The following TBC1D19 variants were observed in gnomAD, a reference collection of about 807,000 sequenced individuals.
TBC1D19 encodes the protein TBC1 domain family, member 19.
A neutral mutation model predicts 89.0 loss-of-function variants in TBC1D19; 60 were observed. The ratio of observed to expected loss-of-function variants is 0.67; its 90% CI spans 0.55 to 0.84. The LOEUF (loss-of-function observed/expected upper bound fraction) is 0.84, where lower values mean the gene tolerates loss of function less well. Ranked by LOEUF, TBC1D19 falls within the 40% of genes least tolerant of loss-of-function variation. TBC1D19 has a pLI of 0.00. For missense variants in TBC1D19, 500 were observed against 610.8 expected (o/e 0.82, Z 1.91); for synonymous variants, 189 against 199.7 (o/e 0.95, Z 0.45).
At chr4:26,598,208 C>T (rs1173209513) in intron 1 of TBC1D19, among the ~76,000 whole-genome samples, 7 of 152,130 alleles carry the variant, frequency 4.6e-5, no homozygotes, top group African/African-American at 1.7e-4. Context: ...TTCCCTTGTG[C>T]AAAATCTAAG....
the TBC1D19 span, among the ~76,000 whole-genome samples, chr4:26,803,438 A>G: frequency 2.0e-5 from 3 of 152,180 alleles, no homozygotes; most frequent in Non-Finnish European, 4.4e-5. Context: ...CCAGATAAAT[A>G]TAACTAAATC....
chr4:26,602,435 CTTTTT>C (rs34004440), intron 1 of TBC1D19, among the ~76,000 whole-genome samples: 2 of 73,042 alleles, frequency 2.7e-5, no homozygotes, highest in Non-Finnish European at 2.7e-5. Flanking sequence ...CTATTGTATT[CTTTTT>C]TTTTTTTTTT....
intron 4 of TBC1D19, among the ~76,000 whole-genome samples, chr4:26,636,560 C>A (rs1480277500): frequency 1.3e-5 from 2 of 148,808 alleles, no homozygotes; most frequent in Non-Finnish European, 3.0e-5. Context: ...ACATAACAAC[C>A]AATGAAATGT....
At chr4:26,603,852 T>G (rs1740787937) in intron 1 of TBC1D19, among the ~76,000 whole-genome samples, 1 of 152,202 alleles carries the variant, frequency 6.6e-6, no homozygotes, top group Non-Finnish European at 1.5e-5. Flanking sequence ...AAGTATACAG[T>G]TCATTGTCAT....
At chr4:26,655,149 T>G (rs541003549) in intron 7 of TBC1D19, among the ~76,000 whole-genome samples, 1 of 152,184 alleles carries the variant, frequency 6.6e-6, no homozygotes, top group Admixed American at 6.5e-5. Flanking sequence ...CCAGACCCTA[T>G]TTGCCTGGGT....
At chr4:26,701,048 C>T (rs967258506) in intron 13 of TBC1D19, among the ~76,000 whole-genome samples, 3 of 152,168 alleles carry the variant, frequency 2.0e-5, no homozygotes, top group Non-Finnish European at 4.4e-5. Context: ...TATATTCCAG[C>T]CACCCTGATC....
At chr4:26,830,248 A>G in the TBC1D19 span, among the ~76,000 whole-genome samples, 1 of 152,188 alleles carries the variant, frequency 6.6e-6, no homozygotes, top group South Asian at 2.1e-4. Flanking sequence ...CAAACAATAA[A>G]CACCCTTGAA....
the TBC1D19 span, among the ~76,000 whole-genome samples, chr4:26,770,483 A>G: frequency 6.6e-6 from 1 of 152,116 alleles, no homozygotes; most frequent in African/African-American, 2.4e-5. Flanking sequence ...TATTGGTGGA[A>G]TGAGTAAGTA....
chr4:26,745,396 T>C (rs1718594231), intron 18 of TBC1D19, among the ~76,000 whole-genome samples: 1 of 151,832 alleles, frequency 6.6e-6, no homozygotes. Context: ...CTCTGCCTAC[T>C]TTTGAATTGA....
At chr4:26,583,210 G>C (rs962525895), upstream of TBC1D19, among the ~76,000 whole-genome samples, 2 of 151,968 alleles carry the variant, frequency 1.3e-5, no homozygotes, top group Admixed American at 6.6e-5. Flanking sequence ...TTTTGGGGGG[G>C]GAAGGGAGGT....
the TBC1D19 span, among the ~76,000 whole-genome samples, chr4:26,847,591 A>G: frequency 1.3e-5 from 2 of 152,212 alleles, no homozygotes; most frequent in African/African-American, 4.8e-5. Context: ...TCAGAAAGGT[A>G]TCTGGGGCCA....
chr4:26,856,438 G>A, the TBC1D19 span, among the ~76,000 whole-genome samples: 2 of 152,264 alleles, frequency 1.3e-5, no homozygotes, highest in Non-Finnish European at 2.9e-5. Flanking sequence ...AAATGAACAT[G>A]AGAGTGCAGA....
At chr4:26,669,978 C>G (rs1222448614) in intron 9 of TBC1D19, among the ~76,000 whole-genome samples, 1 of 151,532 alleles carries the variant, frequency 6.6e-6, no homozygotes, top group African/African-American at 2.4e-5. Flanking sequence ...CTGAGAAGAA[C>G]CAGTTATGGG....
chr4:26,592,498 C>G lies in TBC1D19; in HGVS notation c.99+8206C>G, dbSNP rs1309993006. ...GGAAGTTCTGGCCAGGGCAATCAGG[C>G]AGGTTAAAGAAATAAAGGGTATTCA... On this transcript the variant is annotated intron_variant, in intron 1 of 20. Transcript: ENST00000264866. Among the ~76,000 whole-genome samples the G allele has an allele frequency of 6.6e-5, 10 of 151,584 alleles. No individual in the cohort carries two copies. In the East Asian group the frequency reaches 1.9e-3, roughly 29 times the overall value.
chr4:26,683,326 A>C (rs371153547), intron 11 of TBC1D19, among the ~76,000 whole-genome samples: 1 of 152,076 alleles, frequency 6.6e-6, no homozygotes, highest in Non-Finnish European at 1.5e-5. Flanking sequence ...CACTGACCTA[A>C]TTCATTTTGT....
At chr4:26,774,055 C>T in the TBC1D19 span, among the ~76,000 whole-genome samples, 133 of 152,206 alleles carry the variant, frequency 8.7e-4, 2 homozygotes, top group East Asian at 0.023. Context: ...TTTTTTTCTC[C>T]TACCCCTTCC....
the TBC1D19 span, among the ~76,000 whole-genome samples, chr4:26,789,130 A>G: frequency 6.6e-6 from 1 of 152,244 alleles, no homozygotes; most frequent in Non-Finnish European, 1.5e-5. Context: ...TAGCTCCATC[A>G]TTTATTGCTA....
At chr4:26,754,835 G>T in intron 20 of TBC1D19, 38 bp from the exon 21 acceptor site, 2 of 1,495,338 alleles carry the variant, frequency 1.3e-6, no homozygotes, top group East Asian at 2.4e-5. Context: ...CATAGACTTC[G>T]CTTTGCTATT....
intron 13 of TBC1D19, among the ~76,000 whole-genome samples, chr4:26,694,338 A>T (rs895834817): frequency 2.0e-4 from 30 of 152,124 alleles, no homozygotes; most frequent in African/African-American, 7.0e-4. Flanking sequence ...AGTCAGCAGC[A>T]AGGCTGGGGG....
Sources: allele counts gnomAD v4.1 joint callset (sites outside exome capture counted in the v4.1 genomes callset), GRCh38; gene constraint gnomAD v4.1.1; transcripts MANE v1.5; gene names NCBI Gene and HGNC (gene_info 2026-07-23, HGNC 2026-07-21).